Variants in ITCH observed in about 807,000 individuals in gnomAD.
The protein encoded by ITCH is itchy E3 ubiquitin protein ligase.
ITCH carries 28 observed loss-of-function variants against 126.8 expected under a neutral mutation model. The ratio of observed to expected loss-of-function variants is 0.22; its 90% CI spans 0.16 to 0.30. The LOEUF (loss-of-function observed/expected upper bound fraction) is 0.30, where lower values mean the gene tolerates loss of function less well. Ranked by LOEUF, ITCH falls within the 10% of genes least tolerant of loss-of-function variation. The pLI, the probability that ITCH is intolerant of heterozygous loss-of-function variation, is 1.00. For missense variants in ITCH, 631 were observed against 1,032.4 expected (o/e 0.61, Z 5.33); for synonymous variants, 342 against 340.0 (o/e 1.01, Z -0.06).
At chr20:34,399,290 G>T (rs577671690) in intron 3 of ITCH, among the ~76,000 whole-genome samples, 2 of 152,056 alleles carry the variant, frequency 1.3e-5, no homozygotes, top group African/African-American at 4.8e-5. Context: ...TACTCGGGGG[G>T]CTGAGGCAGG....
At chr20:34,442,975 CAAAA>C (rs777882908) in intron 10 of ITCH, among the ~76,000 whole-genome samples, 1 of 102,866 alleles carries the variant, frequency 9.7e-6, no homozygotes, top group Admixed American at 1.0e-4. Context: ...GACTCTGTCT[CAAAA>C]AAAAAAAAAA....
chr20:34,499,432 G>A (rs922884898), intron 23 of ITCH, among the ~76,000 whole-genome samples: 1 of 151,262 alleles, frequency 6.6e-6, no homozygotes. Context: ...GTCTTGGTAG[G>A]TTGTATGTGT....
Position 34,507,850 on chromosome 20 carries a change from C to A in ITCH, c.*56C>A. On this transcript the variant is annotated 3_prime_UTR_variant, in exon 25 of 25. Transcript: ENST00000374864. ...GAACTTATTTGCAATGTTTGTCCTT[C>A]TCTGCCTGTTGCACATCTTGTAAAA... 1 of 1,278,102 alleles carries A rather than the reference C, an allele frequency of 7.8e-7. No individual in the cohort carries two copies. Among genetic ancestry groups the A allele is most frequent in the Non-Finnish European group, 1.1e-6 (1 of 875,566 alleles). 79.2% of individuals were successfully genotyped at this position (1,278,102 alleles called of 1,614,324 possible). A position where few individuals can be genotyped will look rare whatever the true frequency, so the allele number is the denominator to read the frequency against.
chr20:34,406,791 C>T (rs1349765596), intron 3 of ITCH, among the ~76,000 whole-genome samples: 1 of 152,170 alleles, frequency 6.6e-6, no homozygotes, highest in East Asian at 1.9e-4. Flanking sequence ...GTCTCAGTCT[C>T]CCAAAGTGCT....
intron 7 of ITCH, among the ~76,000 whole-genome samples, chr20:34,424,748 G>A (rs1002962431): frequency 2.0e-5 from 3 of 152,158 alleles, no homozygotes; most frequent in African/African-American, 7.2e-5. Context: ...TACTTCTTCA[G>A]CTTGTAGAAA....
At chr20:34,498,164 TTTTTGTATGTTGA>T (rs1308204436) in intron 23 of ITCH, among the ~76,000 whole-genome samples, 2 of 152,236 alleles carry the variant, frequency 1.3e-5, no homozygotes, top group African/African-American at 4.8e-5. Flanking sequence ...ACGCTGCTGA[TTTTTGTATGTTGA>T]TTTTGTATCC....
intron 16 of ITCH, among the ~76,000 whole-genome samples, chr20:34,472,557 G>A (rs1249049729): frequency 6.6e-6 from 1 of 152,182 alleles, no homozygotes; most frequent in Non-Finnish European, 1.5e-5. Flanking sequence ...ATAGCCAGAT[G>A]TGGAAGTGAT....
At chr20:34,378,421 A>C (rs1453087563) in intron 2 of ITCH, among the ~76,000 whole-genome samples, 1 of 141,690 alleles carries the variant, frequency 7.1e-6, no homozygotes, top group Non-Finnish European at 1.5e-5. Context: ...TGCAGTGAGC[A>C]GAGATTGCGC....
intron 1 of ITCH, among the ~76,000 whole-genome samples, chr20:34,368,454 A>G (rs1434389933): frequency 6.6e-6 from 1 of 152,010 alleles, no homozygotes; most frequent in Non-Finnish European, 1.5e-5. Context: ...ACTTAGCCAA[A>G]TTCTGGGCTC....
intron 16 of ITCH, among the ~76,000 whole-genome samples, chr20:34,475,170 A>G (rs1280938276): frequency 6.8e-6 from 1 of 146,836 alleles, no homozygotes; most frequent in African/African-American, 2.6e-5. Context: ...CACTTTCCAG[A>G]CTGGGCAGCC....
chr20:34,490,525 C>G (rs1281807864), intron 22 of ITCH, among the ~76,000 whole-genome samples: 2 of 152,166 alleles, frequency 1.3e-5, no homozygotes, highest in African/African-American at 4.8e-5. Context: ...TGCCTGTAAT[C>G]CCAGCTACTT....
intron 21 of ITCH, 60 bp downstream of exon 21, chr20:34,489,446 G>T: frequency 1.3e-6 from 2 of 1,492,918 alleles, no homozygotes; most frequent in African/African-American, 2.7e-5. Context: ...TAAGTTGTCT[G>T]CTTTTAACTC....
chr20:34,507,247 A>G (rs890299607), intron 24 of ITCH, among the ~76,000 whole-genome samples: 1 of 106,772 alleles, frequency 9.4e-6, no homozygotes, highest in African/African-American at 3.7e-5. Context: ...ATCCTTTTCA[A>G]CTCTTGTTTT....
intron 12 of ITCH, among the ~76,000 whole-genome samples, chr20:34,456,821 A>T (rs1007965105): frequency 5.9e-5 from 9 of 151,566 alleles, no homozygotes; most frequent in African/African-American, 2.2e-4. Context: ...AGCTCAAGCA[A>T]TCTACTTGCC....
At chr20:34,457,506 CTT>C (rs1436197763) in intron 13 of ITCH, 32 bp downstream of exon 13, 7 of 1,372,106 alleles carry the variant, frequency 5.1e-6, no homozygotes, top group Non-Finnish European at 7.3e-6. Flanking sequence ...TATTTAATCT[CTT>C]AAAGATTATA....
intron 2 of ITCH, among the ~76,000 whole-genome samples, chr20:34,383,306 G>C (rs576038129): frequency 6.6e-6 from 1 of 151,248 alleles, no homozygotes. Flanking sequence ...GACCTCCCAA[G>C]GTATTGGGGG....
chr20:34,460,815 G>T (rs1986436805), intron 13 of ITCH, among the ~76,000 whole-genome samples: 1 of 152,134 alleles, frequency 6.6e-6, no homozygotes, highest in Non-Finnish European at 1.5e-5. Flanking sequence ...CCGGTCAGGA[G>T]TTCAAGACCA....
At chr20:34,410,055 CAAAA>C (rs59652271) in intron 4 of ITCH, among the ~76,000 whole-genome samples, 1 of 142,326 alleles carries the variant, frequency 7.0e-6, no homozygotes, top group African/African-American at 2.6e-5. Context: ...AAAAGACAAA[CAAAA>C]AAAAAAAAGA....
intron 12 of ITCH, among the ~76,000 whole-genome samples, chr20:34,455,204 G>T (rs1285967977): frequency 6.6e-6 from 1 of 152,080 alleles, no homozygotes; most frequent in East Asian, 1.9e-4. Context: ...TTAAATTTTT[G>T]TTTAAAATGC....
Sources: gnomAD v4.1 joint callset for allele counts (sites outside exome capture counted in the v4.1 genomes callset) on GRCh38, gnomAD v4.1.1 for gene constraint, MANE v1.5 for transcripts, NCBI Gene and HGNC (gene_info 2026-07-23, HGNC 2026-07-21) for gene names.